The following MGAT4C variants were observed in gnomAD, a reference collection of about 807,000 sequenced individuals.
MGAT4C encodes MGAT4 family member C.
A neutral mutation model predicts 40.1 loss-of-function variants in MGAT4C; 19 were observed. That is an observed-to-expected ratio of 0.47 (90% CI 0.33 to 0.70). MGAT4C has a LOEUF of 0.70. Ranked by LOEUF, MGAT4C falls within the 30% of genes least tolerant of loss-of-function variation. The pLI is 0.02. For missense variants in MGAT4C, 491 were observed against 563.2 expected (o/e 0.87, Z 1.30); for synonymous variants, 181 against 187.1 (o/e 0.97, Z 0.27).
At chr12:86,665,997 AACT>A (rs1352193821) in intron 2 of MGAT4C, among the ~76,000 whole-genome samples, 11 of 152,332 alleles carry the variant, frequency 7.2e-5, no homozygotes, top group African/African-American at 2.6e-4. Flanking sequence ...TCAAGAAAAT[AACT>A]ACATTTTTTA....
At chr12:86,126,361 C>T (rs1037260131) in intron 1 of MGAT4C, among the ~76,000 whole-genome samples, 3 of 151,996 alleles carry the variant, frequency 2.0e-5, no homozygotes, top group Non-Finnish European at 2.9e-5. Flanking sequence ...TAGTGGAAGA[C>T]TCCAGTGCAT....
intron 2 of MGAT4C, among the ~76,000 whole-genome samples, chr12:86,709,170 A>C (rs1950514470): frequency 6.6e-6 from 1 of 152,124 alleles, no homozygotes; most frequent in Admixed American, 6.6e-5. Flanking sequence ...ATAGTGAATA[A>C]GTCTCACGAG....
intron 1 of MGAT4C, among the ~76,000 whole-genome samples, chr12:86,106,060 A>G (rs115970121): frequency 3.7e-3 from 559 of 152,218 alleles, no homozygotes; most frequent in African/African-American, 0.013. Flanking sequence ...TTGAACTCCA[A>G]ACTTCTCACA....
chr12:86,327,712 C>CA (rs1176366671), intron 4 of MGAT4C, among the ~76,000 whole-genome samples: 1 of 151,714 alleles, frequency 6.6e-6, no homozygotes, highest in Admixed American at 6.6e-5. Flanking sequence ...ATTCCACCTA[C>CA]AAAAAAAATT....
chr12:86,458,632 TGAA>T (rs1484568386), intron 2 of MGAT4C, among the ~76,000 whole-genome samples: 4 of 152,188 alleles, frequency 2.6e-5, no homozygotes, highest in African/African-American at 9.7e-5. Context: ...ATTAAGAGAA[TGAA>T]GAAGAAACAT....
chr12:86,142,389 A>G (rs2135742340), intron 1 of MGAT4C, among the ~76,000 whole-genome samples: 1 of 152,228 alleles, frequency 6.6e-6, no homozygotes, highest in Admixed American at 6.5e-5. Flanking sequence ...GTTTATTTTC[A>G]TGTAATTAAA....
intron 3 of MGAT4C, among the ~76,000 whole-genome samples, chr12:86,360,221 C>T (rs971685447): frequency 6.6e-6 from 1 of 152,096 alleles, no homozygotes; most frequent in South Asian, 2.1e-4. Flanking sequence ...AAAAACAGAA[C>T]CAAAGACAAA....
chr12:86,670,374 C>A lies in MGAT4C; in HGVS notation c.-229+56835G>T, dbSNP rs182434309. Among the ~76,000 whole-genome samples, 10 of 152,092 alleles carry A rather than the reference C, an allele frequency of 6.6e-5. No individual in the cohort carries two copies. The East Asian group carries it at 1.5e-3, about 24-fold the overall frequency. ...CCTAAGAAGAAATCAATCAGAACTT[C>A]TGGAATTTAAAACAAACAAACAAAC... On this transcript the variant is annotated intron_variant, in intron 2 of 7. Coordinates refer to the MGAT4C transcript ENST00000548651.
chr12:86,829,175 T>C (rs1952869635), intron 1 of MGAT4C, among the ~76,000 whole-genome samples: 2 of 151,556 alleles, frequency 1.3e-5, no homozygotes, highest in African/African-American at 4.8e-5. Context: ...TAATACACAA[T>C]AGTAGATTTA....
rs185173336 is a variant in MGAT4C at position 86,410,019 on chromosome 12, G to A, written c.-120+25138C>T. ...GACTTTAAAGGCGGAGGGGGTGTACGAACAGGGAGTAGGTCACAAAGATCA... is the reference window on the plus strand; with the variant it reads ...GACTTTAAAGGCGGAGGGGGTGTACAAACAGGGAGTAGGTCACAAAGATCA... On this transcript the variant is annotated intron_variant, in intron 3 of 7. Transcript: ENST00000548651. Among the ~76,000 whole-genome samples, 354 of 152,184 alleles carry A rather than the reference G, an allele frequency of 2.3e-3. 1 individual carries two copies. Among genetic ancestry groups the A allele is most frequent in the Non-Finnish European group, 3.7e-3 (252 of 68,016 alleles).
At chr12:86,162,471 T>A (rs1343330928) in intron 1 of MGAT4C, among the ~76,000 whole-genome samples, 5 of 151,990 alleles carry the variant, frequency 3.3e-5, no homozygotes, top group African/African-American at 4.8e-5. Flanking sequence ...AATATTGGAA[T>A]AATAGAGAGT....
At chr12:86,186,438 C>T (rs1239672284) in intron 1 of MGAT4C, among the ~76,000 whole-genome samples, 1 of 152,058 alleles carries the variant, frequency 6.6e-6, no homozygotes. Flanking sequence ...GATTCAGAAA[C>T]CTATGGGCTA....
chr12:86,832,526 G>C (rs1363598904), intron 1 of MGAT4C, among the ~76,000 whole-genome samples: 1 of 151,760 alleles, frequency 6.6e-6, no homozygotes, highest in East Asian at 1.9e-4. Context: ...AACTAGAGTA[G>C]CATCATACCT....
At chr12:85,997,941 T>C (rs1422955431) in intron 2 of MGAT4C, among the ~76,000 whole-genome samples, 2 of 152,194 alleles carry the variant, frequency 1.3e-5, no homozygotes, top group Non-Finnish European at 2.9e-5. Flanking sequence ...GTGTGGGGGC[T>C]CTGACCCCAC....
intron 2 of MGAT4C, among the ~76,000 whole-genome samples, chr12:86,550,543 G>A (rs1959299681): frequency 6.6e-6 from 1 of 152,122 alleles, no homozygotes; most frequent in Non-Finnish European, 1.5e-5. Context: ...CCTGCTTTGA[G>A]GCCAGTAGGC....
At chr12:86,111,308 C>T (rs1005512018) in intron 1 of MGAT4C, among the ~76,000 whole-genome samples, 2 of 151,698 alleles carry the variant, frequency 1.3e-5, no homozygotes, top group African/African-American at 2.4e-5. Context: ...ATTTCATAAT[C>T]AAATAAGAAA....
intron 1 of MGAT4C, among the ~76,000 whole-genome samples, chr12:86,103,412 G>T (rs1426713852): frequency 6.6e-6 from 1 of 152,052 alleles, no homozygotes; most frequent in Non-Finnish European, 1.5e-5. Context: ...ACACAGAAAA[G>T]GAACAGACAA....
intron 2 of MGAT4C, among the ~76,000 whole-genome samples, chr12:86,615,938 C>A (rs1962432962): frequency 6.6e-6 from 1 of 151,996 alleles, no homozygotes; most frequent in African/African-American, 2.4e-5. Flanking sequence ...ACTGGAGAAG[C>A]ATTTATTACC....
intron 2 of MGAT4C, among the ~76,000 whole-genome samples, chr12:86,594,511 C>G (rs548209322): frequency 1.5e-4 from 23 of 152,228 alleles, no homozygotes; most frequent in African/African-American, 5.3e-4. Flanking sequence ...TTAAAATCCA[C>G]TTGTTACAAA....
Sources: allele counts gnomAD v4.1 joint callset (sites outside exome capture counted in the v4.1 genomes callset), GRCh38; gene constraint gnomAD v4.1.1; transcripts MANE v1.5; gene names NCBI Gene and HGNC (gene_info 2026-07-23, HGNC 2026-07-21).